DHRSX: variants seen among roughly 807,000 people sequenced by gnomAD.
DHRSX encodes the protein polyprenol dehydrogenase.
Under a neutral mutation model 34.0 loss-of-function variants are expected in DHRSX, and 31 were observed. The observed-to-expected ratio is 0.91, with a 90% CI of 0.69 to 1.23. DHRSX has a LOEUF of 1.23. Among genes scored for constraint, DHRSX ranks in the 50% most tolerant of loss-of-function variants. DHRSX has a pLI of 0.00. For missense variants in DHRSX, 414 were observed against 428.1 expected (o/e 0.97, Z 0.29); for synonymous variants, 201 against 183.8 (o/e 1.09, Z -0.76).
chrX:2,359,637 A>C (rs1399525058), intron 3 of DHRSX, among the ~76,000 whole-genome samples: 2 of 151,954 alleles, frequency 1.3e-5, no homozygotes, highest in African/African-American at 4.8e-5. Flanking sequence ...TTTCAAGGGT[A>C]CTGCACTCCA....
In DHRSX at chrX:2,269,514, G is replaced by A. The variant is rs748793208; in HGVS notation, c.389-2567C>T. On this transcript the variant is annotated intron_variant, in intron 4 of 6. Coordinates refer to ENST00000334651, the MANE Select transcript of DHRSX (RefSeq NM_145177.3). Reference sequence around the variant, plus strand: ...CATGCATTTGTTTATGTGCTTGTATGTGTGTGTGTATTTTATATGTATGTA... The same window carrying A: ...CATGCATTTGTTTATGTGCTTGTATATGTGTGTGTATTTTATATGTATGTA... Among the ~76,000 whole-genome samples the A allele has an allele frequency of 2.6e-5, 4 of 152,172 alleles. No individual in the cohort carries two copies. In the East Asian group the frequency reaches 5.8e-4, roughly 22 times the overall value.
At chrX:2,316,535 G>C (rs965453440) in intron 3 of DHRSX, among the ~76,000 whole-genome samples, 8 of 152,118 alleles carry the variant, frequency 5.3e-5, no homozygotes, top group African/African-American at 1.9e-4. Flanking sequence ...CTGGGTGATA[G>C]AGCAAGACTC....
intron 1 of DHRSX, among the ~76,000 whole-genome samples, chrX:2,478,652 C>T (rs866324783): frequency 2.0e-5 from 3 of 151,120 alleles, no homozygotes; most frequent in Non-Finnish European, 4.4e-5. Flanking sequence ...CTAAGAATGA[C>T]ACCAGGGGAC....
chrX:2,418,179 A>G (rs1197601781), intron 2 of DHRSX, among the ~76,000 whole-genome samples: 1 of 152,172 alleles, frequency 6.6e-6, no homozygotes. Context: ...ACTGAACTAG[A>G]CTTCATTAAG....
intron 1 of DHRSX, among the ~76,000 whole-genome samples, chrX:2,475,457 G>C (rs750752950): frequency 3.3e-5 from 5 of 149,966 alleles, no homozygotes; most frequent in Admixed American, 2.6e-4. Flanking sequence ...ACAAGGGACC[G>C]CCGCCCTGTG....
intron 3 of DHRSX, among the ~76,000 whole-genome samples, chrX:2,404,288 C>T (rs1022651014): frequency 4.6e-5 from 7 of 151,980 alleles, no homozygotes; most frequent in African/African-American, 1.4e-4. Context: ...GCTGATGTGA[C>T]AGGCCCGGAG....
In DHRSX at chrX:2,420,173, C is replaced by T. The variant is rs188046287; in HGVS notation, c.217+5024G>A. 3.6e-3 allele frequency among the ~76,000 whole-genome samples: 545 copies of T among 151,490 alleles called. 2 individuals carry two copies. The highest frequency in any genetic ancestry group is 0.013 in the African/African-American group (530 of 41,292). On this transcript the variant is annotated intron_variant, in intron 2 of 6. Coordinates refer to ENST00000334651, the MANE Select transcript of DHRSX (RefSeq NM_145177.3). ...CCTGTAATCCCAGCACTTTGGGAGGCCGAGGCAGGCAAATTACGAGGTCAA... is the reference window on the plus strand; with the variant it reads ...CCTGTAATCCCAGCACTTTGGGAGGTCGAGGCAGGCAAATTACGAGGTCAA...
intron 6 of DHRSX, among the ~76,000 whole-genome samples, chrX:2,240,089 T>A (rs966660938): frequency 6.6e-6 from 1 of 151,484 alleles, no homozygotes; most frequent in Non-Finnish European, 1.5e-5. Flanking sequence ...AGTCAGGAGT[T>A]CGAGACCAGC....
At chrX:2,442,672 G>A (rs867940207) in intron 1 of DHRSX, among the ~76,000 whole-genome samples, 4 of 151,906 alleles carry the variant, frequency 2.6e-5, no homozygotes, top group Admixed American at 6.6e-5. Context: ...ACCCAGCCGC[G>A]ATTTCCTAGA....
chrX:2,246,748 G>GAAAGAAAGAAAGAAAGAGAA (rs776138629), intron 5 of DHRSX, among the ~76,000 whole-genome samples: 1 of 103,778 alleles, frequency 9.6e-6, no homozygotes, highest in Non-Finnish European at 2.3e-5. Flanking sequence ...AAGAAAGAAA[G>GAAAGAAAGAAAGAAAGAGAA]AAAAAGAAAG....
chrX:2,349,002 C>G (rs890688691), intron 3 of DHRSX, among the ~76,000 whole-genome samples: 2 of 152,046 alleles, frequency 1.3e-5, no homozygotes, highest in Non-Finnish European at 2.9e-5. Flanking sequence ...CTGTGGGTCT[C>G]TTTTTGCACA....
At chrX:2,346,790 C>A (rs1025807246) in intron 3 of DHRSX, among the ~76,000 whole-genome samples, 10 of 151,998 alleles carry the variant, frequency 6.6e-5, no homozygotes, top group East Asian at 1.9e-4. Flanking sequence ...CTAATGCTAT[C>A]CCTCCCCCAG....
At chrX:2,271,458 T>C (rs1453484528) in intron 4 of DHRSX, among the ~76,000 whole-genome samples, 2 of 152,204 alleles carry the variant, frequency 1.3e-5, no homozygotes, top group Non-Finnish European at 2.9e-5. Context: ...GGTGCAGTCC[T>C]TGCTTCTCAC....
chrX:2,255,045 A>G (rs2041258536), intron 5 of DHRSX, among the ~76,000 whole-genome samples: 1 of 147,812 alleles, frequency 6.8e-6, no homozygotes, highest in Non-Finnish European at 1.5e-5. Context: ...GCTTGCTGCA[A>G]CTTCCACCTC....
At chrX:2,424,584 G>A (rs1475536014) in intron 2 of DHRSX, among the ~76,000 whole-genome samples, 1 of 152,154 alleles carries the variant, frequency 6.6e-6, no homozygotes, top group Non-Finnish European at 1.5e-5. Context: ...GTCTCCTTGA[G>A]ATACTTTGTT....
chrX:2,332,959 G>C (rs970799017), intron 3 of DHRSX, among the ~76,000 whole-genome samples: 4 of 152,012 alleles, frequency 2.6e-5, no homozygotes, highest in Non-Finnish European at 4.4e-5. Context: ...CTAACAATCA[G>C]GGGGCTTGGT....
chrX:2,308,893 G>GAAGA (rs2042131777), intron 3 of DHRSX, among the ~76,000 whole-genome samples: 2 of 139,940 alleles, frequency 1.4e-5, no homozygotes, highest in Admixed American at 1.5e-4. Context: ...AACGGGGAAG[G>GAAGA]AAGGAAGAAG....
intron 3 of DHRSX, chrX:2,392,501 G>A (rs773390845): frequency 1.2e-5 from 3 of 258,978 alleles, no homozygotes; most frequent in Non-Finnish European, 2.3e-5. Flanking sequence ...AAATAAGTAG[G>A]TATATAATTT....
At chrX:2,431,035 A>C (rs1386219357) in intron 1 of DHRSX, among the ~76,000 whole-genome samples, 3 of 150,434 alleles carry the variant, frequency 2.0e-5, no homozygotes, top group Admixed American at 1.3e-4. Flanking sequence ...AACAAAACAA[A>C]AAAAAGACGG....
Sources: allele counts gnomAD v4.1 joint callset (sites outside exome capture counted in the v4.1 genomes callset), GRCh38; gene constraint gnomAD v4.1.1; transcripts MANE v1.5; gene names NCBI Gene and HGNC (gene_info 2026-07-23, HGNC 2026-07-21).